Variants in PKIB observed in about 807,000 individuals in gnomAD.
PKIB encodes the protein cAMP-dependent protein kinase inhibitor beta, also known as PKI-beta.
PKIB carries 2 observed loss-of-function variants against 4.5 expected under a neutral mutation model. The observed-to-expected ratio is 0.44, with a 90% CI of 0.18 to 1.39. PKIB has a LOEUF of 1.39. Ranked by LOEUF, PKIB falls within the 40% of genes most tolerant of loss-of-function variation. The pLI is 0.27. For missense variants in PKIB, 94 were observed against 92.6 expected (o/e 1.02, Z -0.06); for synonymous variants, 38 against 36.0 (o/e 1.06, Z -0.20).
intron 3 of PKIB, among the ~76,000 whole-genome samples, chr6:122,696,824 G>A (rs976171606): frequency 9.2e-5 from 14 of 152,226 alleles, no homozygotes; most frequent in African/African-American, 2.9e-4. Flanking sequence ...GAGGGTCAGC[G>A]TGGACACAGG....
chr6:122,576,689 A>AAAAAAT (rs1345822382), intron 2 of PKIB, among the ~76,000 whole-genome samples: 2,479 of 34,428 alleles, frequency 0.072, 204 homozygotes, highest in South Asian at 0.1. Context: ...AAAAAAAAAA[A>AAAAAAT]ATATATATAT....
At chr6:122,704,162 G>A (rs894682559) in intron 3 of PKIB, among the ~76,000 whole-genome samples, 3 of 151,986 alleles carry the variant, frequency 2.0e-5, no homozygotes, top group Non-Finnish European at 4.4e-5. Context: ...TTGAAGACAG[G>A]CAGAGAAAGA....
Position 122,548,121 on chromosome 6 carries a change from G to C in PKIB, c.-247-37800G>C, listed in dbSNP as rs1241965017. Among the ~76,000 whole-genome samples the C allele has an allele frequency of 2.0e-5, 3 of 152,018 alleles. No individual in the cohort carries two copies. The East Asian group carries it at 5.8e-4, about 29-fold the overall frequency. ...GTTTGGCACACAGGCCTTACACAAG[G>C]GTAATTTAATTTTAACAGACCTGTT... On this transcript the variant is annotated intron_variant, in intron 2 of 6. Coordinates refer to the PKIB transcript ENST00000392491.
chr6:122,702,319 A>T (rs980224140), intron 3 of PKIB, among the ~76,000 whole-genome samples: 140 of 132,852 alleles, frequency 1.1e-3, no homozygotes, highest in African/African-American at 3.8e-3. Context: ...GTAATTTTTT[A>T]AAAAAACTTT....
intron 3 of PKIB, among the ~76,000 whole-genome samples, chr6:122,707,645 A>T (rs554947052): frequency 3.9e-5 from 6 of 152,170 alleles, no homozygotes; most frequent in African/African-American, 1.4e-4. Context: ...TAATGTTAAC[A>T]TTCAAGAAAA....
chr6:122,518,043 C>G (rs1776816515), intron 2 of PKIB, among the ~76,000 whole-genome samples: 1 of 151,580 alleles, frequency 6.6e-6, no homozygotes, highest in Non-Finnish European at 1.5e-5. Flanking sequence ...GTGAGCTGCA[C>G]TTTTTTTTTC....
At chr6:122,688,478 G>T (rs1489439944) in intron 3 of PKIB, among the ~76,000 whole-genome samples, 1 of 149,968 alleles carries the variant, frequency 6.7e-6, no homozygotes, top group Non-Finnish European at 1.5e-5. Flanking sequence ...GGATGAATTT[G>T]ACAGTATTCT....
intron 3 of PKIB, among the ~76,000 whole-genome samples, chr6:122,596,566 T>G (rs1467727364): frequency 6.6e-6 from 1 of 152,196 alleles, no homozygotes; most frequent in Non-Finnish European, 1.5e-5. Flanking sequence ...TCAGGTCACA[T>G]GGTGACTTCA....
chr6:122,533,858 G>A (rs1173873070), intron 2 of PKIB, among the ~76,000 whole-genome samples: 3 of 151,790 alleles, frequency 2.0e-5, no homozygotes, highest in Non-Finnish European at 4.4e-5. Context: ...ATATTGTATG[G>A]TCCTCAGATC....
chr6:122,717,561 G>A (rs1373285315), intron 3 of PKIB: 1 of 504,352 alleles, frequency 2.0e-6, no homozygotes, highest in African/African-American at 1.9e-5. Context: ...TTCGGCTCAG[G>A]GGTTATTTTT....
intron 2 of PKIB, among the ~76,000 whole-genome samples, chr6:122,665,754 G>A (rs1247620679): frequency 6.6e-6 from 1 of 152,156 alleles, no homozygotes; most frequent in African/African-American, 2.4e-5. Flanking sequence ...CTGGTCCTAT[G>A]CATATAACTG....
intron 3 of PKIB, among the ~76,000 whole-genome samples, chr6:122,709,115 A>G (rs1486646323): frequency 1.3e-5 from 2 of 152,224 alleles, no homozygotes; most frequent in Admixed American, 1.3e-4. Context: ...CATTTATAAC[A>G]TTAGTTCATT....
chr6:122,472,553 T>A (rs1468115858), intron 1 of PKIB, among the ~76,000 whole-genome samples: 2 of 152,188 alleles, frequency 1.3e-5, no homozygotes, highest in Non-Finnish European at 2.9e-5. Flanking sequence ...AAAGTTCCAG[T>A]TATTTTTTTA....
intron 2 of PKIB, among the ~76,000 whole-genome samples, chr6:122,671,075 C>T (rs932754161): frequency 6.6e-6 from 1 of 152,032 alleles, no homozygotes; most frequent in Non-Finnish European, 1.5e-5. Context: ...GGGCGGATCA[C>T]GAGGTCAGGA....
chr6:122,573,640 G>T (rs972599725), intron 2 of PKIB, among the ~76,000 whole-genome samples: 6 of 150,816 alleles, frequency 4.0e-5, no homozygotes, highest in African/African-American at 1.5e-4. Flanking sequence ...GTCAATATAT[G>T]TGATACATCA....
At chr6:122,552,534 G>A (rs1299366646) in intron 2 of PKIB, among the ~76,000 whole-genome samples, 1 of 151,866 alleles carries the variant, frequency 6.6e-6, no homozygotes, top group African/African-American at 2.4e-5. Context: ...GTGCCACCAT[G>A]CCCAGCTACT....
chr6:122,720,061 T>C (rs1490349176), intron 4 of PKIB, among the ~76,000 whole-genome samples: 1 of 152,202 alleles, frequency 6.6e-6, no homozygotes, highest in Non-Finnish European at 1.5e-5. Context: ...TTCCAGTTGC[T>C]AATGAAAACT....
At position 122,540,050 on chromosome 6, in the gene PKIB, G is replaced by A. The variant is rs185875330; in HGVS notation, c.-247-45871G>A. 7.7e-3 allele frequency among the ~76,000 whole-genome samples: 1,172 copies of A among 151,694 alleles called. 32 individuals carry two copies. Among genetic ancestry groups the A allele is most frequent in the African/African-American group, 0.026 (1,076 of 41,270 alleles). On this transcript the variant is annotated intron_variant, in intron 2 of 6. Transcript: ENST00000392491. ...TATCCCCTTTATCATTTTTTATTGC[G>A]TCTATTTGATTCTTCTCTCTTTTAT...
intron 2 of PKIB, among the ~76,000 whole-genome samples, chr6:122,661,761 A>T (rs895129411): frequency 1.3e-5 from 2 of 152,204 alleles, no homozygotes; most frequent in African/African-American, 4.8e-5. Context: ...TAACAGTTTG[A>T]GGAAATGCTA....
Sources: gnomAD v4.1 joint callset for allele counts (sites outside exome capture counted in the v4.1 genomes callset) on GRCh38, gnomAD v4.1.1 for gene constraint, MANE v1.5 for transcripts, NCBI Gene and HGNC (gene_info 2026-07-23, HGNC 2026-07-21) for gene names.